Variants in PLCL1 observed in about 807,000 individuals in gnomAD.
The protein encoded by PLCL1 is inactive phospholipase C-like protein 1.
PLCL1 carries 41 observed loss-of-function variants against 84.4 expected under a neutral mutation model. The ratio of observed to expected loss-of-function variants is 0.49; its 90% CI spans 0.38 to 0.63. PLCL1 has a LOEUF of 0.63. Ranked by LOEUF, PLCL1 falls within the 30% of genes least tolerant of loss-of-function variation. The pLI is 0.00. For missense variants in PLCL1, 1,206 were observed against 1,367.8 expected, an observed-to-expected ratio of 0.88 and a Z score of 1.87; for synonymous variants, 490 against 488.3, an observed-to-expected ratio of 1.00 and a Z score of -0.05.
chr2:197,918,969 C>A lies in PLCL1; in HGVS notation c.240+113630C>A, dbSNP rs62277889. Among the ~76,000 whole-genome samples the A allele has an allele frequency of 6.3e-3, 922 of 146,954 alleles. 12 individuals carry two copies. Among genetic ancestry groups the A allele is most frequent in the African/African-American group, 0.021 (841 of 39,518 alleles). On this transcript the variant is annotated intron_variant, in intron 1 of 5. Coordinates refer to ENST00000428675, the MANE Select transcript of PLCL1 (RefSeq NM_006226.4). ...CTCTCTCTCTCTCTCTCTCTCTCTC[C>A]CTCACACACACACATACACACACAA... is the stretch of plus-strand genomic sequence containing the variant.
At chr2:198,138,347 C>A (rs1027947097) in intron 5 of PLCL1, among the ~76,000 whole-genome samples, 2 of 151,958 alleles carry the variant, frequency 1.3e-5, no homozygotes, top group African/African-American at 2.4e-5. Context: ...TTCAAACAAC[C>A]AGATCTCCTG....
chr2:197,807,262 T>C (rs1027434229), intron 1 of PLCL1, among the ~76,000 whole-genome samples: 8 of 152,236 alleles, frequency 5.3e-5, no homozygotes, highest in African/African-American at 9.6e-5. Flanking sequence ...CACTTTCTTA[T>C]GTATGCTTCC....
At chr2:197,901,728 T>C (rs1009571715) in intron 1 of PLCL1, among the ~76,000 whole-genome samples, 4 of 152,136 alleles carry the variant, frequency 2.6e-5, no homozygotes, top group Admixed American at 2.6e-4. Context: ...CTCATTAGAT[T>C]TGGGAGCAAA....
chr2:198,130,036 C>A (rs1190549781), intron 5 of PLCL1, among the ~76,000 whole-genome samples: 1 of 152,038 alleles, frequency 6.6e-6, no homozygotes, highest in Middle Eastern at 3.4e-3. Flanking sequence ...GCTCTGTCAC[C>A]CAGGCTGGAC....
At chr2:198,106,100 G>C (rs569738571) in intron 5 of PLCL1, among the ~76,000 whole-genome samples, 1 of 151,844 alleles carries the variant, frequency 6.6e-6, no homozygotes, top group Non-Finnish European at 1.5e-5. Flanking sequence ...ACTCAGTATC[G>C]TTATTAATCT....
chr2:197,877,671 A>G (rs1443495411), intron 1 of PLCL1, among the ~76,000 whole-genome samples: 1 of 152,196 alleles, frequency 6.6e-6, no homozygotes, highest in Admixed American at 6.5e-5. Context: ...ATTCTAAAAT[A>G]TAAACAATTG....
intron 1 of PLCL1, among the ~76,000 whole-genome samples, chr2:197,975,434 C>T (rs1223025189): frequency 2.0e-5 from 3 of 152,128 alleles, no homozygotes; most frequent in African/African-American, 7.2e-5. Flanking sequence ...TTAGTTTATT[C>T]TTCCAGTCCT....
chr2:198,107,848 T>A (rs1286572942), intron 5 of PLCL1, among the ~76,000 whole-genome samples: 1 of 151,874 alleles, frequency 6.6e-6, no homozygotes, highest in Non-Finnish European at 1.5e-5. Context: ...AGTGGACTAC[T>A]ACTAAACAAG....
At chr2:197,903,802 CTTTTT>C (rs1232211481) in intron 1 of PLCL1, among the ~76,000 whole-genome samples, 1 of 104,522 alleles carries the variant, frequency 9.6e-6, no homozygotes. Flanking sequence ...AGTGCCCGGC[CTTTTT>C]TTTTTTTTTT....
At position 197,997,511 on chromosome 2, in the gene PLCL1, G is replaced by T. The variant is rs535662532; in HGVS notation, c.241-86247G>T. Among the ~76,000 whole-genome samples, 11 of 152,138 alleles carry T rather than the reference G, an allele frequency of 7.2e-5. No homozygotes were observed. In the South Asian group the frequency reaches 2.3e-3, roughly 31 times the overall value. On this transcript the variant is annotated intron_variant, in intron 1 of 5. Coordinates refer to ENST00000428675, the MANE Select transcript of PLCL1 (RefSeq NM_006226.4). ...CAATGTGTAGTAGAAATGGTTATTT[G>T]TTCATCGAGCTGGTCCCCACAATTC... is the stretch of plus-strand genomic sequence containing the variant.
intron 2 of PLCL1, among the ~76,000 whole-genome samples, chr2:198,088,335 C>A (rs1315242531): frequency 6.6e-6 from 1 of 152,076 alleles, no homozygotes. Context: ...GTAAAATAGT[C>A]ATAATTTCTA....
intron 1 of PLCL1, among the ~76,000 whole-genome samples, chr2:197,900,422 C>A (rs1344410837): frequency 6.6e-6 from 1 of 152,100 alleles, no homozygotes; most frequent in African/African-American, 2.4e-5. Context: ...TAAAGTGAAT[C>A]TTGGGAAAAT....
At chr2:197,951,218 G>T (rs868028640) in intron 1 of PLCL1, among the ~76,000 whole-genome samples, 1 of 152,140 alleles carries the variant, frequency 6.6e-6, no homozygotes, top group Non-Finnish European at 1.5e-5. Flanking sequence ...AAATAAAATT[G>T]CATGTAAGTA....
At chr2:197,950,994 TC>T (rs1173790399) in intron 1 of PLCL1, among the ~76,000 whole-genome samples, 1 of 152,100 alleles carries the variant, frequency 6.6e-6, no homozygotes, top group African/African-American at 2.4e-5. Flanking sequence ...TGTATTGTGT[TC>T]CCTTCTGTAG....
At chr2:198,136,950 C>T (rs1001043175) in intron 5 of PLCL1, among the ~76,000 whole-genome samples, 2 of 152,136 alleles carry the variant, frequency 1.3e-5, no homozygotes, top group Non-Finnish European at 2.9e-5. Flanking sequence ...TGTACCCACA[C>T]TGAAGACAAA....
chr2:197,945,212 TACA>T (rs1443511356), intron 1 of PLCL1, among the ~76,000 whole-genome samples: 4 of 152,180 alleles, frequency 2.6e-5, no homozygotes, highest in Non-Finnish European at 4.4e-5. Context: ...GCTTGGGAAT[TACA>T]GCAGTTCATG....
chr2:197,968,568 T>G (rs551994845), intron 1 of PLCL1, among the ~76,000 whole-genome samples: 19 of 152,324 alleles, frequency 1.2e-4, no homozygotes, highest in African/African-American at 4.6e-4. Context: ...TTCTTTGCAT[T>G]GAAGGGCTTC....
chr2:198,026,037 C>T (rs554377250), intron 1 of PLCL1, among the ~76,000 whole-genome samples: 6 of 152,060 alleles, frequency 3.9e-5, no homozygotes, highest in Non-Finnish European at 8.8e-5. Context: ...AAGAGTTTTG[C>T]AAAATTATTT....
At chr2:198,024,507 T>C in intron 1 of PLCL1, among the ~76,000 whole-genome samples, 1 of 152,242 alleles carries the variant, frequency 6.6e-6, no homozygotes, top group East Asian at 1.9e-4. Context: ...CTCATGCCTG[T>C]AATCCCAGCA....
Sources: gnomAD v4.1 joint callset for allele counts (sites outside exome capture counted in the v4.1 genomes callset) on GRCh38, gnomAD v4.1.1 for gene constraint, MANE v1.5 for transcripts, NCBI Gene and HGNC (gene_info 2026-07-23, HGNC 2026-07-21) for gene names.